CDH13: variants seen among roughly 807,000 people sequenced by gnomAD.
The protein encoded by CDH13 is cadherin 13, also known as cadherin-13.
Under a neutral mutation model 63.8 loss-of-function variants are expected in CDH13, and 24 were observed. That is an observed-to-expected ratio of 0.38 (90% CI 0.27 to 0.53). CDH13 has a LOEUF of 0.53. Among genes scored for constraint, CDH13 ranks in the 20% least tolerant of loss-of-function variants. CDH13 has a pLI of 0.85. For synonymous variants in CDH13, 503 were observed against 355.3 expected (o/e 1.42, Z -4.67); for missense variants, 1,049 against 903.1 (o/e 1.16, Z -2.07).
At chr16:83,176,881 C>T (rs1315890407) in intron 4 of CDH13, among the ~76,000 whole-genome samples, 1 of 152,104 alleles carries the variant, frequency 6.6e-6, no homozygotes, top group Non-Finnish European at 1.5e-5. Context: ...TTACCTTCCT[C>T]TCCCATCAGC....
At chr16:83,153,033 G>A (rs1361010612) in intron 4 of CDH13, among the ~76,000 whole-genome samples, 1 of 152,222 alleles carries the variant, frequency 6.6e-6, no homozygotes, top group East Asian at 1.9e-4. Flanking sequence ...CTTACCTGCT[G>A]CCTACCCAGA....
intron 8 of CDH13, among the ~76,000 whole-genome samples, chr16:83,652,526 C>A (rs1463894263): frequency 6.6e-6 from 1 of 152,084 alleles, no homozygotes; most frequent in African/African-American, 2.4e-5. Context: ...AAGGAGGGTC[C>A]TCGTGGTTTA....
intron 2 of CDH13, among the ~76,000 whole-genome samples, chr16:82,905,131 A>G (rs1165266639): frequency 6.6e-6 from 1 of 152,170 alleles, no homozygotes; most frequent in South Asian, 2.1e-4. Context: ...GCCATTCACA[A>G]TGAGCCACGG....
In CDH13 at chr16:82,953,092, C is replaced by T. The variant is rs987746901; in HGVS notation, c.158-78918C>T. 7.9e-5 allele frequency: 12 copies of T among 152,170 alleles called. 1 individual carries two copies. Among genetic ancestry groups the T allele is most frequent in the African/African-American group, 2.9e-4 (12 of 41,426 alleles). The allele number at this position is 152,170 out of a possible 1,614,324, so 9.4% of individuals were successfully genotyped here. A position where few individuals can be genotyped will look rare whatever the true frequency, so the allele number is the denominator to read the frequency against. ...GTTCCAAACTGCTTATTTCTTTCTCCTTCTTTTTCCTCATAGACTATGATC... is the reference window on the plus strand; with the variant it reads ...GTTCCAAACTGCTTATTTCTTTCTCTTTCTTTTTCCTCATAGACTATGATC... On this transcript the variant is annotated intron_variant, in intron 2 of 13. Transcript: ENST00000567109.
intron 3 of CDH13, among the ~76,000 whole-genome samples, chr16:83,072,107 C>G (rs530769400): frequency 3.3e-5 from 5 of 152,046 alleles, no homozygotes; most frequent in African/African-American, 1.2e-4. Flanking sequence ...TTAGTCAAGT[C>G]GAAAATTGTT....
At chr16:82,697,593 T>G (rs892294783) in intron 1 of CDH13, among the ~76,000 whole-genome samples, 4 of 151,868 alleles carry the variant, frequency 2.6e-5, no homozygotes, top group Non-Finnish European at 5.9e-5. Context: ...TATGCCCAGC[T>G]AATTTTTTGT....
intron 3 of CDH13, among the ~76,000 whole-genome samples, chr16:83,037,197 C>A (rs1916938469): frequency 6.6e-6 from 1 of 152,172 alleles, no homozygotes; most frequent in African/African-American, 2.4e-5. Context: ...TACGGTCATG[C>A]ATCTTAGTCT....
chr16:83,301,982 G>C (rs76223119), intron 5 of CDH13, among the ~76,000 whole-genome samples: 1 of 145,408 alleles, frequency 6.9e-6, no homozygotes, highest in Admixed American at 6.9e-5. Context: ...AAAAAAAAAA[G>C]AGTTAAGGAA....
chr16:83,015,671 G>GTGA (rs1914691896), intron 2 of CDH13, among the ~76,000 whole-genome samples: 2 of 54,896 alleles, frequency 3.6e-5, no homozygotes, highest in South Asian at 6.8e-4. Flanking sequence ...GTGTGTGTGT[G>GTGA]TGTATGTATA....
intron 6 of CDH13, among the ~76,000 whole-genome samples, chr16:83,383,778 A>T (rs1253744720): frequency 6.6e-6 from 1 of 152,090 alleles, no homozygotes; most frequent in Non-Finnish European, 1.5e-5. Flanking sequence ...CTCATGTTGT[A>T]CCTTCCTGCC....
chr16:83,306,212 A>T (rs149602904), intron 5 of CDH13, among the ~76,000 whole-genome samples: 1 of 152,248 alleles, frequency 6.6e-6, no homozygotes, highest in Non-Finnish European at 1.5e-5. Flanking sequence ...AAAGTATTCT[A>T]TAAACAAGGG....
At chr16:82,669,339 C>T (rs1912969518) in intron 1 of CDH13, among the ~76,000 whole-genome samples, 2 of 152,158 alleles carry the variant, frequency 1.3e-5, no homozygotes, top group Admixed American at 6.5e-5. Flanking sequence ...ATTATATTAC[C>T]CTATCAAGCT....
At chr16:83,169,554 G>A (rs72800263) in intron 4 of CDH13, among the ~76,000 whole-genome samples, 24,409 of 145,540 alleles carry the variant, frequency 0.17, 2,060 homozygotes, top group South Asian at 0.19. Context: ...AAAAAACAGT[G>A]GTAAGGTTTT....
chr16:83,108,640 AC>A (rs1171104606), intron 3 of CDH13, among the ~76,000 whole-genome samples: 3 of 152,168 alleles, frequency 2.0e-5, no homozygotes, highest in Non-Finnish European at 4.4e-5. Flanking sequence ...TTCATCCAGG[AC>A]CAGCAGTCCA....
Position 82,924,912 on chromosome 16 carries a change from C to T in CDH13, c.157+66439C>T, listed in dbSNP as rs1195912405. On this transcript the variant is annotated intron_variant, in intron 2 of 13. Coordinates refer to ENST00000567109, the MANE Select transcript of CDH13 (RefSeq NM_001257.5). ...TCTTGTTTTTAAAGCACTTTGGAGA[C>T]ACTCATTGATACATGCCTGAAAAAA... is the stretch of plus-strand genomic sequence containing the variant. Among the ~76,000 whole-genome samples the T allele has an allele frequency of 2.6e-5, 4 of 151,998 alleles. No homozygotes were observed. The East Asian group carries it at 7.7e-4, about 29-fold the overall frequency.
intron 5 of CDH13, among the ~76,000 whole-genome samples, chr16:83,338,579 A>T (rs1364126824): frequency 6.6e-6 from 1 of 152,258 alleles, no homozygotes; most frequent in Non-Finnish European, 1.5e-5. Context: ...GAAGTGTTAC[A>T]AAGCAAGGAG....
At chr16:82,996,144 G>T (rs1169219115) in intron 2 of CDH13, among the ~76,000 whole-genome samples, 1 of 151,508 alleles carries the variant, frequency 6.6e-6, no homozygotes, top group Non-Finnish European at 1.5e-5. Context: ...TCCATTTTAG[G>T]AAAAAAAGGC....
chr16:83,706,235 A>C (rs1276120092), intron 10 of CDH13, among the ~76,000 whole-genome samples: 2 of 152,310 alleles, frequency 1.3e-5, no homozygotes, highest in African/African-American at 4.8e-5. Flanking sequence ...CATGGCGGCC[A>C]GGTTCCAAAG....
chr16:83,042,165 C>T (rs938699722), intron 3 of CDH13, among the ~76,000 whole-genome samples: 2 of 152,080 alleles, frequency 1.3e-5, no homozygotes, highest in African/African-American at 2.4e-5. Flanking sequence ...CAAGAGTGTC[C>T]CCCACCCACC....
Sources: gnomAD v4.1 joint callset for allele counts (sites outside exome capture counted in the v4.1 genomes callset) on GRCh38, gnomAD v4.1.1 for gene constraint, MANE v1.5 for transcripts, NCBI Gene and HGNC (gene_info 2026-07-23, HGNC 2026-07-21) for gene names.